Variants in ASXL3 observed in about 807,000 individuals in gnomAD.
ASXL3 encodes the protein ASXL transcriptional regulator 3.
In ASXL3, 34 loss-of-function variants were observed where a neutral mutation model predicts 170.6. The ratio of observed to expected loss-of-function variants is 0.20; its 90% CI spans 0.15 to 0.27. The LOEUF is 0.27. ASXL3 is among the 10% of genes least tolerant of loss of function. ASXL3 has a pLI of 1.00. For synonymous variants in ASXL3, 1,002 were observed against 989.1 expected, an observed-to-expected ratio of 1.01 and a Z score of -0.24; for missense variants, 2,592 against 2,695.3, an observed-to-expected ratio of 0.96 and a Z score of 0.85.
intron 7 of ASXL3, among the ~76,000 whole-genome samples, chr18:33,673,660 G>C (rs1224662772): frequency 2.7e-4 from 41 of 152,240 alleles, no homozygotes; most frequent in Non-Finnish European, 1.8e-4. Context: ...ACCATGCCTG[G>C]CCCAGGATTT....
chr18:33,642,387 T>G (rs1371273597), intron 2 of ASXL3, among the ~76,000 whole-genome samples: 3 of 151,934 alleles, frequency 2.0e-5, no homozygotes, highest in South Asian at 4.1e-4. Context: ...TTTTTCATTG[T>G]TTTTTTAAAA....
chr18:33,744,717 T>A lies in ASXL3; in HGVS notation c.4869T>A (p.Thr1623=), dbSNP rs2067740446. The A allele has an allele frequency of 6.2e-7, 1 of 1,613,032 alleles. No individual in the cohort carries two copies. Among genetic ancestry groups the A allele is most frequent in the Non-Finnish European group, 8.5e-7 (1 of 1,179,474 alleles). The stretch of plus-strand genomic sequence containing the variant: ...GGAGCACAGGACAGCCTCTGGTTAC[T>A]CACTCGGGTTCAAGTAAACAAAAAG... ...GMRSTGQPLV[T]HSGSSKQKEY... Residue 1623 remains threonine, a synonymous_variant, in exon 12 of 12, where the codon ACT becomes ACA. Coordinates refer to ENST00000269197, the MANE Select transcript of ASXL3 (RefSeq NM_030632.3).
At chr18:33,591,228 T>C (rs1354830587) in intron 1 of ASXL3, among the ~76,000 whole-genome samples, 2 of 152,072 alleles carry the variant, frequency 1.3e-5, no homozygotes, top group South Asian at 2.1e-4. Context: ...GTTTCAGAAA[T>C]TTTTTTTCTC....
At chr18:33,680,828 A>T (rs1315734656) in intron 7 of ASXL3, among the ~76,000 whole-genome samples, 1 of 151,618 alleles carries the variant, frequency 6.6e-6, no homozygotes, top group Non-Finnish European at 1.5e-5. Context: ...TCATTTTCTA[A>T]ATTTTTATTC....
At chr18:33,638,728 T>C (rs1306955230) in intron 2 of ASXL3, among the ~76,000 whole-genome samples, 1 of 152,162 alleles carries the variant, frequency 6.6e-6, no homozygotes, top group African/African-American at 2.4e-5. Flanking sequence ...CATCTCTGAA[T>C]CTCAGTCATG....
chr18:33,711,576 T>C (rs887507586), intron 8 of ASXL3, among the ~76,000 whole-genome samples: 8 of 152,246 alleles, frequency 5.3e-5, no homozygotes, highest in Non-Finnish European at 1.0e-4. Context: ...GATAATGAAT[T>C]GTGTCACTGG....
intron 1 of ASXL3, chr18:33,605,313 A>G (rs933421563): frequency 6.6e-6 from 1 of 152,020 alleles, no homozygotes; most frequent in Non-Finnish European, 1.5e-5. Context: ...GATGGCATCA[A>G]TGTTTTGTTC....
Position 33,743,029 on chromosome 18 carries a change from G to A in ASXL3, c.3181G>A (p.Ala1061Thr), listed in dbSNP as rs758447081. The change falls in exon 12 of 12, where the codon GCC becomes ACC. Residue 1061 changes from alanine to threonine, a missense_variant. Around this residue, in one of 4 missense-constraint regions of ASXL3, gnomAD observed 2,246 missense variants for 2,219.6 expected, o/e 1.01. Transcript: ENST00000269197. ...ARTLADIKAR[A>T]QQARAQREAA... Reference sequence around the variant, plus strand: ...GACCCTCGCAGATATCAAGGCCCGGGCCCAACAAGCTCGGGCCCAGCGAGA... The same window carrying A: ...GACCCTCGCAGATATCAAGGCCCGGACCCAACAAGCTCGGGCCCAGCGAGA... The A allele has an allele frequency of 1.9e-6, 3 of 1,613,872 alleles. No individual in the cohort carries two copies. The highest frequency in any genetic ancestry group is 2.2e-5 in the East Asian group (1 of 44,870).
At position 33,738,904 on chromosome 18, in the gene ASXL3, A is replaced by G. The variant is rs1599563124; in HGVS notation, c.1500A>G (p.Glu500=). Residue 500 remains glutamate (E), a synonymous_variant, in exon 11 of 12, where the codon GAA becomes GAG. Coordinates refer to ENST00000269197, the MANE Select transcript of ASXL3 (RefSeq NM_030632.3). ...PQIAPPEDNL[E]SCVMMNDVLE... ...TAGCACCTCCTGAAGATAACTTGGA[A>G]TCCTGTGTTATGATGAATGATGTTT... 1.9e-6 allele frequency: 3 copies of G among 1,613,634 alleles called. No individual in the cohort carries two copies. In the East Asian group the frequency reaches 6.7e-5, roughly 36 times the overall value.
At chr18:33,733,085 C>A (rs1262314790) in intron 9 of ASXL3, among the ~76,000 whole-genome samples, 1 of 152,130 alleles carries the variant, frequency 6.6e-6, no homozygotes, top group African/African-American at 2.4e-5. Flanking sequence ...CCATCTGATG[C>A]CTCCAGCATT....
intron 2 of ASXL3, among the ~76,000 whole-genome samples, chr18:33,632,347 C>A (rs778839121): frequency 6.6e-6 from 1 of 152,112 alleles, no homozygotes; most frequent in Non-Finnish European, 1.5e-5. Context: ...TATTACTCTA[C>A]AACCATGACA....
intron 2 of ASXL3, among the ~76,000 whole-genome samples, chr18:33,636,355 AACAGCCACAACAACAGCC>A (rs750037872): frequency 1.3e-5 from 2 of 151,864 alleles, no homozygotes; most frequent in African/African-American, 4.8e-5. Context: ...CAGCCACAAC[AACAGCCACAACAACAGCC>A]ACAGCCACAG....
At chr18:33,623,944 A>G (rs1255940942) in intron 2 of ASXL3, among the ~76,000 whole-genome samples, 1 of 152,120 alleles carries the variant, frequency 6.6e-6, no homozygotes, top group Non-Finnish European at 1.5e-5. Context: ...GGATGGCTTG[A>G]GGCCAGGAGT....
chr18:33,589,327 T>C (rs1273049122), intron 1 of ASXL3, among the ~76,000 whole-genome samples: 1 of 152,190 alleles, frequency 6.6e-6, no homozygotes, highest in Non-Finnish European at 1.5e-5. Context: ...TTTGGTAGCT[T>C]CCATCTTATG....
rs147905050 is a variant in ASXL3, at chr18:33,591,240, C to T, written c.54+12555C>T. On this transcript the variant is annotated intron_variant, in intron 1 of 11. Coordinates refer to ENST00000269197, the MANE Select transcript of ASXL3 (RefSeq NM_030632.3). ...AGTGTTTCAGAAATTTTTTTTCTCT[C>T]CTTCTCCCTCTTTTTAACACATTTT... 8.4e-3 allele frequency among the ~76,000 whole-genome samples: 1,273 copies of T among 152,206 alleles called. 65 individuals are homozygous for T. Among genetic ancestry groups the T allele is most frequent in the Admixed American group, 0.073 (1,112 of 15,284 alleles).
At chr18:33,637,252 T>C (rs1042031190) in intron 2 of ASXL3, among the ~76,000 whole-genome samples, 6 of 152,176 alleles carry the variant, frequency 3.9e-5, no homozygotes, top group Non-Finnish European at 8.8e-5. Context: ...TCTAAGTATA[T>C]TTTTTGGCAT....
chr18:33,706,015 A>C (rs2066949612), intron 8 of ASXL3, among the ~76,000 whole-genome samples: 1 of 151,238 alleles, frequency 6.6e-6, no homozygotes, highest in South Asian at 2.1e-4. Flanking sequence ...ACTCTGTTGT[A>C]TTTAGATAAT....
chr18:33,581,030 AC>A (rs768350752), intron 1 of ASXL3, among the ~76,000 whole-genome samples: 45 of 152,290 alleles, frequency 3.0e-4, no homozygotes, highest in Non-Finnish European at 5.6e-4. Context: ...CATTTGGTTA[AC>A]GGTGATAACT....
chr18:33,745,924 C>T lies in ASXL3; in HGVS notation c.6076C>T (p.Pro2026Ser). The T allele has an allele frequency of 6.4e-7, 1 of 1,569,464 alleles. No homozygotes were observed. Among genetic ancestry groups the T allele is most frequent in the Non-Finnish European group, 8.6e-7 (1 of 1,160,804 alleles). Residue 2026 changes from proline (P) to serine (S), a missense_variant, in exon 12 of 12, where the codon CCT becomes TCT. By Grantham distance (74) the Pro-to-Ser change is moderately conservative. Coordinates refer to ENST00000269197, the MANE Select transcript of ASXL3 (RefSeq NM_030632.3). ...HPPPPPPPPPPPPLALPPPPP... is the reference protein window; with the variant it reads ...HPPPPPPPPPSPPLALPPPPP... ...GCCGCCGCCACCGCCTCCCCCTCCC[C>T]CTCCACCCTTGGCTTTGCCCCCGCC...
Sources: gnomAD v4.1 joint callset for allele counts (sites outside exome capture counted in the v4.1 genomes callset) on GRCh38, gnomAD v4.1.1 for gene constraint, gnomAD v4.1.1 regional missense constraint, MANE v1.5 for transcripts, NCBI Gene and HGNC (gene_info 2026-07-23, HGNC 2026-07-21) for gene names.